FRMPD4: variants seen among roughly 807,000 people sequenced by gnomAD.
The protein encoded by FRMPD4 is FERM and PDZ domain containing 4, also known as FERM and PDZ domain-containing protein 4.
In FRMPD4, 22 loss-of-function variants were observed where a neutral mutation model predicts 94.1. The ratio of observed to expected loss-of-function variants is 0.23; its 90% CI spans 0.17 to 0.33. The LOEUF is 0.33. FRMPD4 is among the 10% of genes least tolerant of loss of function. The probability of loss-of-function intolerance (pLI) is 1.00; values close to 1 mark genes in which losing one functional copy is unlikely to be tolerated. For missense variants in FRMPD4, 1,111 were observed against 1,339.9 expected (o/e 0.83, Z 2.67); for synonymous variants, 631 against 548.6 (o/e 1.15, Z -2.10).
intron 1 of FRMPD4, among the ~76,000 whole-genome samples, chrX:12,299,644 TTTATGA>T (rs895521224): frequency 1.8e-5 from 2 of 111,034 alleles, no homozygotes; most frequent in African/African-American, 6.5e-5. Context: ...AGTACTCCAG[TTTATGA>T]TTAGGATTAG....
rs2056451582 is a variant in FRMPD4 at position 12,188,536 on chromosome X, T to C, written c.41+49524T>C. The stretch of plus-strand genomic sequence containing the variant: ...AGGGATTCTAGTCTATGTTCAAAGA[T>C]ATTTACAAGGAATATGGCATTGAAC... On this transcript the variant is annotated intron_variant, in intron 1 of 16. Coordinates refer to ENST00000675598, the MANE Select transcript of FRMPD4 (RefSeq NM_001368397.1). Among the ~76,000 whole-genome samples, 4 of 112,146 alleles carry C rather than the reference T, an allele frequency of 3.6e-5. No homozygotes were observed. The South Asian group carries it at 1.5e-3, about 42-fold the overall frequency.
At chrX:11,845,227 C>G (rs778971997) in intron 1 of FRMPD4, among the ~76,000 whole-genome samples, 2 of 111,763 alleles carry the variant, frequency 1.8e-5, no homozygotes, top group South Asian at 7.5e-4. Context: ...CATTATAGGT[C>G]CCTCTTTCAT....
At chrX:12,476,913 C>G (rs896222225) in intron 1 of FRMPD4, among the ~76,000 whole-genome samples, 4 of 111,678 alleles carry the variant, frequency 3.6e-5, no homozygotes, top group African/African-American at 9.8e-5. Context: ...GTGGCGATTC[C>G]TCAGGGATCT....
At chrX:11,906,658 C>T (rs1476470968) in intron 3 of FRMPD4, among the ~76,000 whole-genome samples, 2 of 110,652 alleles carry the variant, frequency 1.8e-5, no homozygotes, top group African/African-American at 6.6e-5. Flanking sequence ...TTTTCTATGG[C>T]TTTTTAACAG....
At chrX:12,231,047 TAAA>T (rs370255541) in intron 1 of FRMPD4, among the ~76,000 whole-genome samples, 194 of 31,095 alleles carry the variant, frequency 6.2e-3, no homozygotes, top group Middle Eastern at 0.027. Flanking sequence ...TATATATATA[TAAA>T]ATATATATAT....
At chrX:12,355,469 T>C in intron 1 of FRMPD4, among the ~76,000 whole-genome samples, 1 of 112,603 alleles carries the variant, frequency 8.9e-6, no homozygotes, top group Middle Eastern at 4.6e-3. Context: ...TATGAACCAC[T>C]GTGCCTGGCC....
At chrX:12,474,332 G>T (rs1424751609) in intron 1 of FRMPD4, among the ~76,000 whole-genome samples, 4 of 110,996 alleles carry the variant, frequency 3.6e-5, no homozygotes, top group Non-Finnish European at 1.9e-5. Context: ...GAAATTTACA[G>T]CACTAAATGC....
chrX:12,647,736 C>T (rs191224448), intron 4 of FRMPD4, among the ~76,000 whole-genome samples: 110 of 112,053 alleles, frequency 9.8e-4, no homozygotes, highest in African/African-American at 3.6e-3. Flanking sequence ...TAGTCCTTCT[C>T]GTGCCACTTA....
At position 12,674,933 on chromosome X, in the gene FRMPD4, C is replaced by T. The variant is rs770483309; in HGVS notation, c.468+25C>T. ...TGTAAGTGTTCTGTGAATAAAAGTG[C>T]CACTTAATGTTCTCAGGCTTCTTGT... On this transcript the variant is annotated intron_variant, in intron 5 of 16. Coordinates refer to ENST00000675598, the MANE Select transcript of FRMPD4 (RefSeq NM_001368397.1). 7.0e-6 allele frequency: 7 copies of T among 995,357 alleles called. No individual in the cohort carries two copies. In the South Asian group the frequency reaches 1.3e-4, roughly 19 times the overall value. The allele number at this position is 995,357 out of a possible 1,213,427, so 82.0% of individuals were successfully genotyped here.
intron 1 of FRMPD4, among the ~76,000 whole-genome samples, chrX:12,323,735 G>C (rs755911280): frequency 5.4e-5 from 6 of 111,737 alleles, no homozygotes; most frequent in Middle Eastern, 4.6e-3. Flanking sequence ...TGGGTCTCTG[G>C]GACCAAATGG....
chrX:12,709,301 G>C (rs2041939407), intron 13 of FRMPD4, among the ~76,000 whole-genome samples: 2 of 111,376 alleles, frequency 1.8e-5, no homozygotes, highest in African/African-American at 6.5e-5. Flanking sequence ...CAAGAGGCCT[G>C]CTGTCTTGCT....
chrX:12,509,716 TCCC>T (rs1301489205), intron 2 of FRMPD4, among the ~76,000 whole-genome samples: 1 of 110,787 alleles, frequency 9.0e-6, no homozygotes, highest in East Asian at 2.8e-4. Flanking sequence ...CACCACCTGT[TCCC>T]CCAATAACCT....
At chrX:12,070,576 A>G (rs2054958678) in intron 3 of FRMPD4, among the ~76,000 whole-genome samples, 1 of 111,724 alleles carries the variant, frequency 9.0e-6, no homozygotes. Flanking sequence ...TCGCCTCTAA[A>G]CAGATAAATA....
intron 3 of FRMPD4, among the ~76,000 whole-genome samples, chrX:12,081,605 C>T (rs1040773548): frequency 9.0e-6 from 1 of 111,616 alleles, no homozygotes; most frequent in Non-Finnish European, 1.9e-5. Flanking sequence ...ACACTTAGAT[C>T]ACTGCTTTTA....
At chrX:12,453,390 A>T (rs1198372494) in intron 1 of FRMPD4, among the ~76,000 whole-genome samples, 8 of 112,088 alleles carry the variant, frequency 7.1e-5, no homozygotes, top group African/African-American at 2.6e-4. Flanking sequence ...TGTTGTTTAT[A>T]TTTGTTTACT....
intron 1 of FRMPD4, among the ~76,000 whole-genome samples, chrX:12,244,825 G>T (rs953855758): frequency 1.8e-5 from 2 of 111,911 alleles, no homozygotes; most frequent in African/African-American, 6.5e-5. Flanking sequence ...CAGAGGCAAG[G>T]TGGACAGAGC....
intron 4 of FRMPD4, among the ~76,000 whole-genome samples, chrX:12,641,042 G>A (rs1368103708): frequency 9.0e-6 from 1 of 111,260 alleles, no homozygotes; most frequent in Non-Finnish European, 1.9e-5. Context: ...AGGTGGGATT[G>A]AAATGACAAT....
chrX:12,472,910 C>A (rs1716651776), intron 1 of FRMPD4, among the ~76,000 whole-genome samples: 2 of 110,506 alleles, frequency 1.8e-5, no homozygotes, highest in Non-Finnish European at 3.8e-5. Context: ...TCCAGGAGAA[C>A]TTCCCCAATC....
At chrX:12,331,659 A>AAT (rs1555952040) in intron 1 of FRMPD4, among the ~76,000 whole-genome samples, 2 of 76,194 alleles carry the variant, frequency 2.6e-5, no homozygotes, top group Non-Finnish European at 4.6e-5. Context: ...ATATTTATAT[A>AAT]ATATATAAAT....
Sources: gnomAD v4.1 joint callset for allele counts (sites outside exome capture counted in the v4.1 genomes callset) on GRCh38, gnomAD v4.1.1 for gene constraint, MANE v1.5 for transcripts, NCBI Gene and HGNC (gene_info 2026-07-23, HGNC 2026-07-21) for gene names.